Variants in TMEM132B observed in about 807,000 individuals in gnomAD.
TMEM132B encodes transmembrane protein 132B.
In TMEM132B, 18 loss-of-function variants were observed where a neutral mutation model predicts 90.8. The ratio of observed to expected loss-of-function variants is 0.20; its 90% confidence interval spans 0.14 to 0.29. TMEM132B has a LOEUF of 0.29. TMEM132B is among the 10% of genes least tolerant of loss of function. TMEM132B has a pLI of 1.00. For missense variants in TMEM132B, 1,096 were observed against 1,326.8 expected (o/e 0.83, Z 2.70); for synonymous variants, 504 against 523.3 (o/e 0.96, Z 0.50).
At chr12:125,409,584 G>A (rs1232258622) in intron 2 of TMEM132B, among the ~76,000 whole-genome samples, 4 of 136,218 alleles carry the variant, frequency 2.9e-5, no homozygotes, top group African/African-American at 6.0e-5. Context: ...GTGGAGTGGA[G>A]TGGAGTGGAG....
intron 3 of TMEM132B, among the ~76,000 whole-genome samples, chr12:125,509,765 A>G (rs113433723): frequency 6.6e-6 from 1 of 152,162 alleles, no homozygotes; most frequent in African/African-American, 2.4e-5. Context: ...CCCAGTTCCA[A>G]TCTGAGGTGA....
intron 5 of TMEM132B, 101 bp from the exon 6 acceptor site, chr12:125,643,975 A>G: frequency 9.5e-7 from 1 of 1,055,800 alleles, no homozygotes; most frequent in Non-Finnish European, 1.4e-6. Flanking sequence ...TTTGGTGTCT[A>G]ATAAATCAGA....
At chr12:125,482,656 A>G (rs1882079823) in intron 3 of TMEM132B, among the ~76,000 whole-genome samples, 1 of 152,206 alleles carries the variant, frequency 6.6e-6, no homozygotes, top group African/African-American at 2.4e-5. Context: ...GGGAGTGTAA[A>G]CTAGTTCAAC....
chr12:125,367,476 G>T (rs1033962660), intron 2 of TMEM132B, among the ~76,000 whole-genome samples: 14 of 152,170 alleles, frequency 9.2e-5, no homozygotes, highest in African/African-American at 2.9e-4. Context: ...GATATTGACA[G>T]GTAGAATTTG....
intron 6 of TMEM132B, among the ~76,000 whole-genome samples, chr12:125,647,654 T>C (rs185066822): frequency 3.3e-5 from 5 of 152,132 alleles, no homozygotes; most frequent in Admixed American, 1.3e-4. Flanking sequence ...AGTTGGAGAG[T>C]TTGTTTCAGG....
rs559991555 is a variant in TMEM132B, at chr12:125,492,144, G to A, written c.1107-27295G>A. 3.3e-5 allele frequency among the ~76,000 whole-genome samples: 5 copies of A among 152,282 alleles called. No individual in the cohort carries two copies. In the East Asian group the frequency reaches 7.8e-4, roughly 24 times the overall value. ...TGGGTTTCTGGGGAAGGGTGAGAGT[G>A]CCCTGCTGCCCGCCCCCACCGCTCC... On this transcript the variant is annotated intron_variant, in intron 3 of 8. Transcript: ENST00000682704. The surrounding 1 kb of genome is among the most constrained non-coding windows in gnomAD (Gnocchi z 5.8).
At chr12:125,240,713 G>A (rs1466196588) in intron 1 of TMEM132B, among the ~76,000 whole-genome samples, 1 of 152,140 alleles carries the variant, frequency 6.6e-6, no homozygotes, top group Non-Finnish European at 1.5e-5. Flanking sequence ...TCTCTCTTCC[G>A]GACTGCATCC....
In TMEM132B at chr12:125,519,581, T is replaced by A; in HGVS notation, c.1249T>A (p.Phe417Ile). The A allele has an allele frequency of 6.2e-7, 1 of 1,614,140 alleles. No individual in the cohort carries two copies. The highest frequency in any genetic ancestry group is 8.5e-7 in the Non-Finnish European group (1 of 1,180,016). Reference sequence around the variant, plus strand: ...GAGTGAGCTGGTCGTCTCCGAGATCTTCGTCAGCCAGACAACCTTCGTGGG... The same window carrying A: ...GAGTGAGCTGGTCGTCTCCGAGATCATCGTCAGCCAGACAACCTTCGTGGG... ...SMSELVVSEI[F>I]VSQTTFVGIV... is the part of the protein sequence containing the mutation. The change falls in exon 4 of 9, where the codon TTC becomes ATC. Residue 417 changes from phenylalanine (F) to isoleucine (I), a missense_variant. Coordinates refer to ENST00000682704, the MANE Select transcript of TMEM132B (RefSeq NM_001366854.1).
At chr12:125,322,555 T>TG (rs1329167727) in intron 1 of TMEM132B, among the ~76,000 whole-genome samples, 1 of 152,186 alleles carries the variant, frequency 6.6e-6, no homozygotes, top group Non-Finnish European at 1.5e-5. Context: ...AGGGAGCTTT[T>TG]GGGGTGTAGG....
intron 1 of TMEM132B, among the ~76,000 whole-genome samples, chr12:125,262,708 A>G (rs929370080): frequency 6.6e-6 from 1 of 152,242 alleles, no homozygotes; most frequent in Admixed American, 6.5e-5. Context: ...AGGCTTCCAG[A>G]GGGCTGTGTG....
Position 125,345,196 on chromosome 12 carries a change from C to T in TMEM132B, c.68-4256C>T, listed in dbSNP as rs542826976. 1.7e-4 allele frequency among the ~76,000 whole-genome samples: 26 copies of T among 152,274 alleles called. 1 individual carries two copies. The highest frequency in any genetic ancestry group is 3.4e-3 in the Middle Eastern group (1 of 294). The stretch of plus-strand genomic sequence containing the variant: ...AAGAGAACTTTCCACACCTGGCTCT[C>T]GATGCCTGAGTTGTTTTGTGTGAAT... On this transcript the variant is annotated intron_variant, in intron 1 of 8. Coordinates refer to ENST00000682704, the MANE Select transcript of TMEM132B (RefSeq NM_001366854.1).
At chr12:125,248,286 C>A (rs537954252) in intron 1 of TMEM132B, among the ~76,000 whole-genome samples, 1 of 152,100 alleles carries the variant, frequency 6.6e-6, no homozygotes. Flanking sequence ...TCAGAAACAC[C>A]GGAAAAAGCA....
rs186577385 is a variant in TMEM132B, at chr12:125,191,088, G to T, written c.67+4222G>T. Among the ~76,000 whole-genome samples, 393 of 61,714 alleles carry T rather than the reference G, an allele frequency of 6.4e-3. 18 individuals carry two copies. The highest frequency in any genetic ancestry group is 0.03 in the African/African-American group (364 of 12,306). 40.5% of individuals were successfully genotyped at this position (61,714 alleles called of 152,430 possible). A position where few individuals can be genotyped will look rare whatever the true frequency, so the allele number is the denominator to read the frequency against. ...GGGTGGTGATGGTGATGGGGAAGGG[G>T]TGGCGATGGTGATGGGGAAGGGGTG... On this transcript the variant is annotated intron_variant, in intron 1 of 8. Transcript: ENST00000682704.
chr12:125,361,767 A>C (rs779767963), intron 2 of TMEM132B, among the ~76,000 whole-genome samples: 22 of 152,136 alleles, frequency 1.4e-4, no homozygotes, highest in African/African-American at 5.3e-4. Flanking sequence ...TTACCCCCCA[A>C]ATCTGCCTTG....
intron 1 of TMEM132B, among the ~76,000 whole-genome samples, chr12:125,242,038 A>T (rs977182309): frequency 2.6e-5 from 4 of 152,234 alleles, no homozygotes; most frequent in Admixed American, 2.6e-4. Context: ...TAGAATAACA[A>T]CGAGTATTTT....
chr12:125,622,533 A>G, intron 5 of TMEM132B: 1 of 957,116 alleles, frequency 1.0e-6, no homozygotes, highest in Non-Finnish European at 1.2e-6. Context: ...GACTGCGTGG[A>G]GGCCATGCTT....
chr12:125,419,603 G>A (rs142721388), intron 3 of TMEM132B, among the ~76,000 whole-genome samples: 6,162 of 152,160 alleles, frequency 0.04, 426 homozygotes, highest in African/African-American at 0.14. Flanking sequence ...AGATTTGGGC[G>A]GGGACACAGC....
intron 2 of TMEM132B, among the ~76,000 whole-genome samples, chr12:125,402,090 G>A (rs545777338): frequency 6.6e-6 from 1 of 152,300 alleles, no homozygotes; most frequent in East Asian, 1.9e-4. Flanking sequence ...TTCCCCAAGA[G>A]CTTCACGATA....
At position 125,653,987 on chromosome 12, in the gene TMEM132B, T is replaced by C; in HGVS notation, c.2529T>C (p.Val843=). The change falls in exon 9 of 9, where the codon GTT becomes GTC. Residue 843 remains valine, a synonymous_variant. Coordinates refer to ENST00000682704, the MANE Select transcript of TMEM132B (RefSeq NM_001366854.1). ...VQEWFHRGTP[V]GQEESTNKST... is the part of the protein sequence containing the mutation. ...AATGGTTCCACCGTGGCACACCTGT[T>C]GGCCAAGAGGAAAGTACCAACAAAA... 6.2e-7 allele frequency: 1 copy of C among 1,614,166 alleles called. No individual in the cohort carries two copies. Among genetic ancestry groups the C allele is most frequent in the Non-Finnish European group, 8.5e-7 (1 of 1,180,026 alleles).
Sources: allele counts gnomAD v4.1 joint callset (sites outside exome capture counted in the v4.1 genomes callset), GRCh38; gene constraint gnomAD v4.1.1; non-coding constraint Gnocchi (gnomAD v3.1); transcripts MANE v1.5; gene names NCBI Gene and HGNC (gene_info 2026-07-23, HGNC 2026-07-21).